NBAS: variants seen among roughly 807,000 people sequenced by gnomAD.
The protein encoded by NBAS is NAG/BC035112 fusion.
A neutral mutation model predicts 302.5 loss-of-function variants in NBAS; 219 were observed. That is an observed-to-expected ratio of 0.72 (90% CI 0.65 to 0.81). The LOEUF is 0.81. Ranked by LOEUF, NBAS falls within the 30% of genes least tolerant of loss-of-function variation. The pLI, the probability that NBAS is intolerant of heterozygous loss-of-function variation, is 0.00. For missense variants in NBAS, 2,932 were observed against 2,841.6 expected (o/e 1.03, Z -0.72); for synonymous variants, 1,118 against 1,021.6 (o/e 1.09, Z -1.80).
At chr2:15,559,373 A>C (rs1664803866) in intron 1 of NBAS, among the ~76,000 whole-genome samples, 1 of 152,198 alleles carries the variant, frequency 6.6e-6, no homozygotes, top group Non-Finnish European at 1.5e-5. Context: ...CTACTAACAA[A>C]ACATACACAG....
chr2:15,382,614 G>A (rs1313488059), intron 29 of NBAS, among the ~76,000 whole-genome samples: 1 of 152,160 alleles, frequency 6.6e-6, no homozygotes, highest in Non-Finnish European at 1.5e-5. Flanking sequence ...TGGAGGAAAT[G>A]ATGACAGGCT....
intron 44 of NBAS, among the ~76,000 whole-genome samples, chr2:15,245,004 G>A (rs1476592953): frequency 6.6e-6 from 1 of 152,072 alleles, no homozygotes; most frequent in Non-Finnish European, 1.5e-5. Flanking sequence ...TACTTGAGGA[G>A]ACCCCAAGTG....
chr2:15,529,997 A>G (rs546128115), intron 9 of NBAS, among the ~76,000 whole-genome samples: 7 of 152,220 alleles, frequency 4.6e-5, no homozygotes, highest in Non-Finnish European at 8.8e-5. Context: ...ACATATCAAC[A>G]TTCAACTATA....
the NBAS span, among the ~76,000 whole-genome samples, chr2:15,070,356 A>T: frequency 2.0e-5 from 3 of 152,176 alleles, no homozygotes; most frequent in Non-Finnish European, 4.4e-5. Flanking sequence ...ATAAAACTCA[A>T]ATACACCCAC....
At chr2:15,390,412 T>C (rs1306711630) in intron 28 of NBAS, among the ~76,000 whole-genome samples, 1 of 151,972 alleles carries the variant, frequency 6.6e-6, no homozygotes, top group East Asian at 1.9e-4. Context: ...TATAAAGAAA[T>C]AGACACCAAA....
At chr2:15,042,729 T>C in the NBAS span, among the ~76,000 whole-genome samples, 1 of 152,226 alleles carries the variant, frequency 6.6e-6, no homozygotes, top group South Asian at 2.1e-4. Context: ...AAAAGAGCCC[T>C]GGCTGCCTGC....
Position 15,380,827 on chromosome 2 carries a change from C to T in NBAS, c.3361-996G>A, listed in dbSNP as rs145011359. ...TAAAAAGTAACATTTAATGGAGAAG[C>T]AAGAGTTTCAATATAATTAAGAAGA... On this transcript the variant is annotated intron_variant, in intron 29 of 51. Coordinates refer to ENST00000281513, the MANE Select transcript of NBAS (RefSeq NM_015909.4). Among the ~76,000 whole-genome samples the T allele has an allele frequency of 5.4e-3, 817 of 152,192 alleles. 9 individuals are homozygous for T. Among genetic ancestry groups the T allele is most frequent in the African/African-American group, 0.019 (783 of 41,524 alleles).
intron 42 of NBAS, among the ~76,000 whole-genome samples, chr2:15,286,219 T>C (rs1670036123): frequency 6.6e-6 from 1 of 152,200 alleles, no homozygotes; most frequent in Admixed American, 6.5e-5. Flanking sequence ...CTCCAAGCAA[T>C]GGTCACTTGT....
At chr2:15,489,943 C>T in intron 11 of NBAS, among the ~76,000 whole-genome samples, 1 of 152,178 alleles carries the variant, frequency 6.6e-6, no homozygotes, top group East Asian at 1.9e-4. Context: ...CAGCAGCCCA[C>T]AACCATATCT....
At chr2:15,551,450 G>A (rs765308919) in intron 6 of NBAS, 43 bp downstream of exon 6, 29 of 1,316,798 alleles carry the variant, frequency 2.2e-5, no homozygotes, top group Middle Eastern at 1.8e-4. Flanking sequence ...AAACCATTGC[G>A]CATTTGAAAT....
At chr2:14,963,341 T>A in the NBAS span, among the ~76,000 whole-genome samples, 1 of 152,208 alleles carries the variant, frequency 6.6e-6, no homozygotes, top group Admixed American at 6.5e-5. Flanking sequence ...CGTTTAAATA[T>A]TAGCTAGCTG....
chr2:15,178,023 A>T, intron 51 of NBAS: 1 of 367,498 alleles, frequency 2.7e-6, no homozygotes, highest in South Asian at 2.2e-5. Context: ...CTATTTACAG[A>T]ATTTTCTGTA....
chr2:15,484,641 A>G (rs1680552566), intron 12 of NBAS, among the ~76,000 whole-genome samples: 1 of 152,194 alleles, frequency 6.6e-6, no homozygotes, highest in Non-Finnish European at 1.5e-5. Flanking sequence ...TTTATTTCCA[A>G]TAATCCTTCT....
the NBAS span, among the ~76,000 whole-genome samples, chr2:14,779,100 A>C: frequency 2.0e-5 from 3 of 152,200 alleles, no homozygotes; most frequent in African/African-American, 7.2e-5. Context: ...TCAGGTAATC[A>C]ATGCAGTGAA....
At chr2:15,323,957 T>A (rs1156355469) in intron 38 of NBAS, among the ~76,000 whole-genome samples, 4 of 151,070 alleles carry the variant, frequency 2.6e-5, no homozygotes, top group African/African-American at 9.7e-5. Context: ...GCCACAATAT[T>A]TCTTAAAAAT....
the NBAS span, among the ~76,000 whole-genome samples, chr2:14,882,986 C>T: frequency 6.6e-6 from 1 of 152,074 alleles, no homozygotes; most frequent in Non-Finnish European, 1.5e-5. Context: ...TGATATTTGC[C>T]CACATAAAAC....
intron 47 of NBAS, among the ~76,000 whole-genome samples, chr2:15,224,295 T>C (rs1480937280): frequency 6.6e-6 from 1 of 152,116 alleles, no homozygotes; most frequent in Non-Finnish European, 1.5e-5. Flanking sequence ...TTTAAGAATA[T>C]AAATAAGCGA....
At chr2:15,155,212 T>C in the NBAS span, among the ~76,000 whole-genome samples, 1 of 152,184 alleles carries the variant, frequency 6.6e-6, no homozygotes, top group Admixed American at 6.5e-5. Context: ...AAGATGAAAA[T>C]CTTTACCTCT....
At chr2:15,069,548 G>T in the NBAS span, among the ~76,000 whole-genome samples, 2 of 104,416 alleles carry the variant, frequency 1.9e-5, no homozygotes, top group Admixed American at 1.2e-4. Context: ...CATGGTTTCA[G>T]TGGGGCTCAA....
Sources: allele counts gnomAD v4.1 joint callset (sites outside exome capture counted in the v4.1 genomes callset), GRCh38; gene constraint gnomAD v4.1.1; transcripts MANE v1.5; gene names NCBI Gene and HGNC (gene_info 2026-07-23, HGNC 2026-07-21).